The following VPS8 variants were observed in gnomAD, a reference collection of about 807,000 sequenced individuals.
VPS8 encodes the protein vacuolar protein sorting-associated protein 8 homolog.
Under a neutral mutation model 216.4 loss-of-function variants are expected in VPS8, and 129 were observed. The ratio of observed to expected loss-of-function variants is 0.60; its 90% CI spans 0.52 to 0.69. The LOEUF is 0.69. Ranked by LOEUF, VPS8 falls within the 30% of genes least tolerant of loss-of-function variation. VPS8 has a pLI of 0.00. For synonymous variants in VPS8, 571 were observed against 565.4 expected, an observed-to-expected ratio of 1.01 and a Z score of -0.14; for missense variants, 1,531 against 1,683.5, an observed-to-expected ratio of 0.91 and a Z score of 1.59.
rs1018472147 is a variant in VPS8, at chr3:184,866,929, G to A, written c.1449G>A (p.Gln483=). The change falls in exon 17 of 48, where the codon CAG becomes CAA. Residue 483 remains glutamine, a synonymous_variant. Transcript: ENST00000625842. ...CYQSISSYGG[Q]IFYLGTKSVY... ...AATCCATCAGTAGCTATGGTGGTCA[G>A]ATCTTTTATTTGGGGACAAAAGTAA... is the stretch of plus-strand genomic sequence containing the variant. 1 of 1,613,272 alleles carries A rather than the reference G, an allele frequency of 6.2e-7. No homozygotes were observed. The highest frequency in any genetic ancestry group is 8.5e-7 in the Non-Finnish European group (1 of 1,179,626).
chr3:185,037,493 T>A (rs1300705000), intron 46 of VPS8, among the ~76,000 whole-genome samples: 1 of 152,206 alleles, frequency 6.6e-6, no homozygotes, highest in South Asian at 2.1e-4. Context: ...GCTTCCTGAA[T>A]GTGTAGGTTA....
At chr3:184,813,578 G>GA (rs1006483476) in intron 1 of VPS8, among the ~76,000 whole-genome samples, 17 of 152,098 alleles carry the variant, frequency 1.1e-4, no homozygotes, top group South Asian at 8.3e-4. Flanking sequence ...AAGATAAATG[G>GA]AAAAAAAATT....
chr3:184,888,537 T>C (rs572966474), intron 22 of VPS8, among the ~76,000 whole-genome samples: 1 of 152,338 alleles, frequency 6.6e-6, no homozygotes, highest in South Asian at 2.1e-4. Flanking sequence ...CAATTCCTTG[T>C]TATATGTCCT....
chr3:184,973,273 C>G (rs1748727173), intron 40 of VPS8, among the ~76,000 whole-genome samples: 1 of 152,002 alleles, frequency 6.6e-6, no homozygotes, highest in Admixed American at 6.6e-5. Flanking sequence ...GTGAACATAA[C>G]TTTAGATATT....
intron 46 of VPS8, among the ~76,000 whole-genome samples, chr3:185,027,235 CTTTTTTTTTTT>C (rs893256183): frequency 2.7e-4 from 24 of 87,724 alleles, no homozygotes; most frequent in African/African-American, 8.9e-4. Context: ...TTTTTATGTT[CTTTTTTTTTTT>C]TTTTTTTTTT....
chr3:184,997,625 A>G (rs561440957), intron 44 of VPS8, among the ~76,000 whole-genome samples: 104 of 152,322 alleles, frequency 6.8e-4, no homozygotes, highest in African/African-American at 2.3e-3. Flanking sequence ...TGGAGTTTAC[A>G]TTGTAGTGGC....
chr3:184,905,618 CTTTTT>C (rs59430187), intron 25 of VPS8, among the ~76,000 whole-genome samples: 1 of 125,656 alleles, frequency 8.0e-6, no homozygotes, highest in Non-Finnish European at 1.7e-5. Flanking sequence ...AAGCTCAGCT[CTTTTT>C]TTTTTTTTTT....
At chr3:184,901,213 T>G (rs1478369782) in intron 25 of VPS8, 1 of 444,758 alleles carries the variant, frequency 2.2e-6, no homozygotes, top group Non-Finnish European at 4.0e-6. Context: ...CTGATCTACT[T>G]TCTGTCACTA....
intron 1 of VPS8, among the ~76,000 whole-genome samples, chr3:184,818,665 G>A (rs1716885646): frequency 6.6e-6 from 1 of 152,070 alleles, no homozygotes; most frequent in South Asian, 2.1e-4. Flanking sequence ...GGATTGGGAA[G>A]GCCAAAAATA....
chr3:185,013,438 C>T (rs556498797), intron 45 of VPS8, among the ~76,000 whole-genome samples: 2 of 152,184 alleles, frequency 1.3e-5, no homozygotes, highest in South Asian at 4.1e-4. Flanking sequence ...ACAGACCTTC[C>T]AAGTGTTTTT....
chr3:184,875,822 CAAAAA>C (rs59957370), intron 21 of VPS8, among the ~76,000 whole-genome samples: 1 of 72,548 alleles, frequency 1.4e-5, no homozygotes, highest in Non-Finnish European at 2.8e-5. Flanking sequence ...CTTGTCTCTA[CAAAAA>C]AAAAAAAAAA....
At chr3:185,021,602 C>T (rs1239019166) in intron 45 of VPS8, among the ~76,000 whole-genome samples, 1 of 152,100 alleles carries the variant, frequency 6.6e-6, no homozygotes, top group Non-Finnish European at 1.5e-5. Context: ...GAGTGAATTC[C>T]AGCGTATTAA....
chr3:184,857,373 A>T (rs920039525), intron 14 of VPS8, among the ~76,000 whole-genome samples: 1 of 152,226 alleles, frequency 6.6e-6, no homozygotes. Flanking sequence ...AATATTCCTT[A>T]ATCATTTTCT....
chr3:184,916,302 T>A (rs998038388), intron 28 of VPS8, among the ~76,000 whole-genome samples: 5 of 152,136 alleles, frequency 3.3e-5, no homozygotes, highest in African/African-American at 1.2e-4. Flanking sequence ...AATTAAATGG[T>A]ATTGTTGTTT....
At chr3:184,872,634 A>G (rs1728549660) in intron 21 of VPS8, among the ~76,000 whole-genome samples, 1 of 152,076 alleles carries the variant, frequency 6.6e-6, no homozygotes, top group Non-Finnish European at 1.5e-5. Flanking sequence ...AATGGAGGGG[A>G]CTATTTCTCT....
rs373762204 is a variant in VPS8, at chr3:184,964,537, G to A, written c.3253G>A (p.Ala1085Thr). 18 of 1,516,620 alleles carry A rather than the reference G, an allele frequency of 1.2e-5. No homozygotes were observed. The highest frequency in any genetic ancestry group is 3.4e-4 in the Middle Eastern group (2 of 5,842). 93.9% of individuals were successfully genotyped at this position (1,516,620 alleles called of 1,614,324 possible). ...LLEKKGDIHG[A>T]FLIMLERLQS... ...GGAAAAGAAAGGAGATATTCATGGTGCCTTCCTAATAATGTTAGAGGTAAC... is the reference window on the plus strand; with the variant it reads ...GGAAAAGAAAGGAGATATTCATGGTACCTTCCTAATAATGTTAGAGGTAAC... Residue 1085 changes from alanine (A) to threonine (T), a missense_variant, in exon 38 of 48, where the codon GCC becomes ACC. Around this residue, in one of 3 missense-constraint regions of VPS8, gnomAD observed 1,318 missense variants for 1,468.4 expected, o/e 0.90. Coordinates refer to ENST00000625842, the MANE Select transcript of VPS8 (RefSeq NM_001009921.3).
intron 21 of VPS8, among the ~76,000 whole-genome samples, chr3:184,873,679 A>G (rs1362452717): frequency 6.6e-6 from 1 of 152,190 alleles, no homozygotes; most frequent in Non-Finnish European, 1.5e-5. Context: ...CTCCATTTTC[A>G]TGACCACAGA....
chr3:184,861,553 A>T (rs943212928), intron 15 of VPS8, among the ~76,000 whole-genome samples: 6 of 152,206 alleles, frequency 3.9e-5, no homozygotes, highest in African/African-American at 1.4e-4. Context: ...CATCACCAGA[A>T]CTGTCTTGTT....
At chr3:185,023,488 G>A (rs1756933836) in intron 45 of VPS8, among the ~76,000 whole-genome samples, 1 of 151,922 alleles carries the variant, frequency 6.6e-6, no homozygotes, top group Admixed American at 6.6e-5. Flanking sequence ...GAGGTCAGGT[G>A]ATCTCTACTA....
Sources: allele counts gnomAD v4.1 joint callset (sites outside exome capture counted in the v4.1 genomes callset), GRCh38; gene constraint gnomAD v4.1.1; regional missense constraint gnomAD v4.1.1; transcripts MANE v1.5; gene names NCBI Gene and HGNC (gene_info 2026-07-23, HGNC 2026-07-21).